Variants in RBM19 observed in about 807,000 individuals in gnomAD.
RBM19 encodes RNA binding motif protein 19, also known as probable RNA-binding protein 19.
In RBM19, 94 loss-of-function variants were observed where a neutral mutation model predicts 116.8. That is an observed-to-expected ratio of 0.80 (90% CI 0.68 to 0.95). The LOEUF (loss-of-function observed/expected upper bound fraction) is 0.95, where lower values mean the gene tolerates loss of function less well. Ranked by LOEUF, RBM19 falls within the 40% of genes least tolerant of loss-of-function variation. RBM19 has a pLI of 0.00. For missense variants in RBM19, 1,161 were observed against 1,220.7 expected (o/e 0.95, Z 0.73); for synonymous variants, 475 against 494.1 (o/e 0.96, Z 0.51).
chr12:113,862,184 T>C (rs1209625243), intron 21 of RBM19, among the ~76,000 whole-genome samples: 2 of 152,212 alleles, frequency 1.3e-5, no homozygotes, highest in African/African-American at 4.8e-5. Flanking sequence ...TACCAATGAG[T>C]GCCTGCAATA....
intron 23 of RBM19, among the ~76,000 whole-genome samples, chr12:113,831,590 C>G (rs1875414510): frequency 6.6e-6 from 1 of 152,242 alleles, no homozygotes; most frequent in African/African-American, 2.4e-5. Flanking sequence ...CGAGAAATGG[C>G]CCGGCACAGC....
At position 113,962,375 on chromosome 12, in the gene RBM19, CG is replaced by C; in HGVS notation, c.75del (p.Phe25LeufsTer4). ...TTCAGGCTGCAGTCTGTCAGCGTGC[CG>C]AAGGCGGCAAACAGCTGCCTGAAAC... ...EERFRQLFAA[F>X]GTLTDCSLKF... is the part of the protein sequence containing the mutation. On this transcript the variant is annotated frameshift_variant, in exon 2 of 24. Coordinates refer to ENST00000261741, the MANE Select transcript of RBM19 (RefSeq NM_016196.4). LOFTEE classifies it high-confidence loss of function. 1 of 1,614,194 alleles carries C rather than the reference CG, an allele frequency of 6.2e-7. No individual in the cohort carries two copies. Among genetic ancestry groups the C allele is most frequent in the Non-Finnish European group, 8.5e-7 (1 of 1,180,000 alleles).
intron 22 of RBM19, among the ~76,000 whole-genome samples, chr12:113,850,002 T>C (rs1877328033): frequency 6.6e-6 from 1 of 152,190 alleles, no homozygotes; most frequent in Non-Finnish European, 1.5e-5. Flanking sequence ...TGCAGGGCTA[T>C]AGCTCCTGCT....
intron 9 of RBM19, 140 bp downstream of exon 9, chr12:113,949,942 TC>T: frequency 1.4e-6 from 1 of 729,984 alleles, no homozygotes. Flanking sequence ...CCCTGCCATG[TC>T]CCCAGTGCCT....
chr12:113,948,024 T>A (rs1331743695), intron 10 of RBM19, among the ~76,000 whole-genome samples: 3 of 152,218 alleles, frequency 2.0e-5, no homozygotes, highest in Non-Finnish European at 4.4e-5. Flanking sequence ...GACTGGTGAA[T>A]GGAACACACA....
At chr12:113,830,215 T>A (rs1875250874) in intron 23 of RBM19, among the ~76,000 whole-genome samples, 1 of 152,184 alleles carries the variant, frequency 6.6e-6, no homozygotes, top group Non-Finnish European at 1.5e-5. Context: ...CCAGGCTATG[T>A]AGCAGCAATT....
chr12:113,944,093 GTTT>G (rs71433305), intron 13 of RBM19, among the ~76,000 whole-genome samples: 17,754 of 69,506 alleles, frequency 0.26, 1,541 homozygotes, highest in Middle Eastern at 0.43. Flanking sequence ...CCAGATGCAT[GTTT>G]TTTTTTTTTT....
intron 19 of RBM19, among the ~76,000 whole-genome samples, chr12:113,919,605 T>G (rs1388460873): frequency 2.0e-5 from 3 of 152,152 alleles, no homozygotes; most frequent in African/African-American, 7.2e-5. Flanking sequence ...GGTGCAAAAT[T>G]TGCCCTTTGG....
chr12:113,917,307 C>T (rs368770413), intron 20 of RBM19, among the ~76,000 whole-genome samples: 71 of 152,316 alleles, frequency 4.7e-4, no homozygotes, highest in African/African-American at 1.5e-3. Context: ...GTGCTGGATG[C>T]TTAACACACA....
chr12:113,890,232 C>G (rs1880861293), intron 21 of RBM19, among the ~76,000 whole-genome samples: 1 of 152,230 alleles, frequency 6.6e-6, no homozygotes, highest in Admixed American at 6.5e-5. Context: ...GCTAATGATT[C>G]TGGGGCTGCC....
intron 10 of RBM19, among the ~76,000 whole-genome samples, chr12:113,948,492 C>T (rs988866855): frequency 3.9e-5 from 6 of 152,188 alleles, no homozygotes; most frequent in African/African-American, 1.4e-4. Context: ...TACTCAATTC[C>T]AATACCGAGT....
chr12:113,829,142 C>T (rs890972874), intron 23 of RBM19, among the ~76,000 whole-genome samples: 9 of 152,094 alleles, frequency 5.9e-5, no homozygotes, highest in Admixed American at 2.6e-4. Context: ...GGATTACAGG[C>T]GTACACCACC....
chr12:113,870,514 AG>A (rs1168854620), intron 21 of RBM19, among the ~76,000 whole-genome samples: 4 of 152,194 alleles, frequency 2.6e-5, no homozygotes, highest in African/African-American at 7.2e-5. Context: ...AACCTAAGGC[AG>A]GAATCTTCCA....
chr12:113,948,151 T>C (rs770453757), intron 10 of RBM19, among the ~76,000 whole-genome samples: 5 of 152,126 alleles, frequency 3.3e-5, no homozygotes, highest in South Asian at 2.1e-4. Flanking sequence ...AACCTACATC[T>C]CCAATCCTCC....
At chr12:113,939,846 A>C (rs1025741090) in intron 15 of RBM19, 114 bp downstream of exon 15, 2 of 1,140,676 alleles carry the variant, frequency 1.8e-6, no homozygotes, top group African/African-American at 3.1e-5. Context: ...CGGGCGGTTT[A>C]GGGTGAGCTC....
chr12:113,961,713 G>A lies in RBM19; in HGVS notation c.219+519C>T, dbSNP rs139790151. Among the ~76,000 whole-genome samples the A allele has an allele frequency of 3.9e-3, 593 of 152,270 alleles. 5 individuals carry two copies. The highest frequency in any genetic ancestry group is 0.014 in the African/African-American group (569 of 41,552). On this transcript the variant is annotated intron_variant, in intron 2 of 23. Coordinates refer to ENST00000261741, the MANE Select transcript of RBM19 (RefSeq NM_016196.4). The stretch of plus-strand genomic sequence containing the variant: ...AGCTTTCCTGACTCCTCCCTGGTCC[G>A]GCTATAGATCTTTGTTCTCCCACAG...
At chr12:113,824,523 G>A (rs565863224) in intron 23 of RBM19, among the ~76,000 whole-genome samples, 2 of 152,204 alleles carry the variant, frequency 1.3e-5, no homozygotes, top group East Asian at 3.9e-4. Context: ...TAAAGAGGCT[G>A]TCCAAATCCC....
intron 22 of RBM19, among the ~76,000 whole-genome samples, chr12:113,853,422 C>T (rs1593485201): frequency 2.0e-5 from 3 of 152,190 alleles, no homozygotes; most frequent in South Asian, 2.1e-4. Flanking sequence ...ACAACAGCAG[C>T]GGTGGCAAAT....
chr12:113,943,120 C>T (rs767869364), intron 13 of RBM19, among the ~76,000 whole-genome samples: 4 of 152,216 alleles, frequency 2.6e-5, no homozygotes, highest in Non-Finnish European at 5.9e-5. Context: ...TTAAGTGTCA[C>T]GTTGCTGACC....
Sources: allele counts gnomAD v4.1 joint callset (sites outside exome capture counted in the v4.1 genomes callset), GRCh38; gene constraint gnomAD v4.1.1; transcripts MANE v1.5; gene names NCBI Gene and HGNC (gene_info 2026-07-23, HGNC 2026-07-21).